Variants in LOC112694756 observed in about 807,000 individuals in gnomAD.
the LOC112694756 span, among the ~76,000 whole-genome samples, chr16:30,058,329 A>G: frequency 1.3e-5 from 2 of 152,120 alleles, no homozygotes; most frequent in East Asian, 3.9e-4. Flanking sequence ...GAAGGTTACA[A>G]ATGTCTTGCC....
chr16:30,064,795 T>G, the LOC112694756 span: 3 of 167,856 alleles, frequency 1.8e-5, no homozygotes, highest in Non-Finnish European at 3.7e-5. Flanking sequence ...GTGGGCCCCT[T>G]GCAGGACCGG....
chr16:30,065,022 T>C, the LOC112694756 span, among the ~76,000 whole-genome samples: 1 of 152,228 alleles, frequency 6.6e-6, no homozygotes, highest in African/African-American at 2.4e-5. Flanking sequence ...GGCCGGTGCA[T>C]AGCCGCGCAT....
the LOC112694756 span, among the ~76,000 whole-genome samples, chr16:30,056,744 G>A: frequency 2.0e-5 from 3 of 151,828 alleles, no homozygotes; most frequent in Non-Finnish European, 2.9e-5. Context: ...GAGACTATAG[G>A]TGCATGCCAC....
At chr16:30,061,193 C>G in the LOC112694756 span, among the ~76,000 whole-genome samples, 1 of 152,256 alleles carries the variant, frequency 6.6e-6, no homozygotes, top group African/African-American at 2.4e-5. Context: ...CTGGATAGAC[C>G]AGTTCTCCCT....
At chr16:30,055,412 T>C in the LOC112694756 span, 8 of 398,786 alleles carry the variant, frequency 2.0e-5, no homozygotes, top group African/African-American at 1.4e-4. Context: ...ACAACATTTA[T>C]TACTGAGCAC....
At chr16:30,070,178 G>C in the LOC112694756 span, 3 of 1,614,130 alleles carry the variant, frequency 1.9e-6, no homozygotes, top group Non-Finnish European at 2.5e-6. Flanking sequence ...GCTGCTGCCA[G>C]CGAGTCCCTC....
the LOC112694756 span, chr16:30,068,518 A>T: frequency 1.9e-6 from 2 of 1,058,836 alleles, no homozygotes; most frequent in South Asian, 1.3e-5. Flanking sequence ...CGGGAGGATC[A>T]CTTGAGTCCA....
the LOC112694756 span, chr16:30,066,320 C>T: frequency 6.6e-6 from 1 of 152,486 alleles, no homozygotes; most frequent in African/African-American, 2.4e-5. Flanking sequence ...AACGGGGCGC[C>T]CTTCGCGAGG....
At chr16:30,057,855 C>T in the LOC112694756 span, among the ~76,000 whole-genome samples, 1 of 151,740 alleles carries the variant, frequency 6.6e-6, no homozygotes, top group African/African-American at 2.4e-5. Context: ...AGCTTGAACC[C>T]AGTAGGCAGA....
chr16:30,065,203 C>T, the LOC112694756 span, among the ~76,000 whole-genome samples: 1 of 152,206 alleles, frequency 6.6e-6, no homozygotes, highest in Admixed American at 6.5e-5. Flanking sequence ...CGTGTCCTCT[C>T]GATGCCCTTT....
the LOC112694756 span, among the ~76,000 whole-genome samples, chr16:30,057,660 G>C: frequency 6.6e-6 from 1 of 152,222 alleles, no homozygotes; most frequent in Admixed American, 6.5e-5. Flanking sequence ...AAATTGTGGG[G>C]CAAGGAGCGC....
chr16:30,068,979 G>A, the LOC112694756 span: 1 of 1,614,222 alleles, frequency 6.2e-7, no homozygotes, highest in Non-Finnish European at 8.5e-7. Context: ...CTGCCAGCAG[G>A]TGGGCCTGCA....
the LOC112694756 span, chr16:30,070,154 G>T: frequency 1.9e-6 from 3 of 1,614,134 alleles, no homozygotes; most frequent in Non-Finnish European, 2.5e-6. Flanking sequence ...TACACTCCGA[G>T]CGGTCAGGCT....
At chr16:30,062,310 T>C in the LOC112694756 span, among the ~76,000 whole-genome samples, 2 of 150,020 alleles carry the variant, frequency 1.3e-5, no homozygotes, top group African/African-American at 4.9e-5. Flanking sequence ...AAGGTGGGTT[T>C]AGCCCAGGAG....
the LOC112694756 span, chr16:30,066,743 T>C: frequency 2.2e-6 from 2 of 902,636 alleles, no homozygotes; most frequent in South Asian, 3.6e-5. Flanking sequence ...GGTTCTAATC[T>C]CAGATCTGGC....
chr16:30,055,388 C>T, the LOC112694756 span: 1 of 398,472 alleles, frequency 2.5e-6, no homozygotes, highest in Non-Finnish European at 4.4e-6. Flanking sequence ...TCGGTGCATT[C>T]ATTTTTTTGC....
At chr16:30,068,761 G>A in the LOC112694756 span, 4 of 1,614,178 alleles carry the variant, frequency 2.5e-6, no homozygotes, top group South Asian at 4.4e-5. Flanking sequence ...GGTGCTGGGA[G>A]GAGTGGAAAC....
the LOC112694756 span, chr16:30,068,631 C>A: frequency 6.2e-7 from 1 of 1,614,066 alleles, no homozygotes. Flanking sequence ...AATGTTGTTA[C>A]CCTGACCCCA....
chr16:30,067,683 G>A, the LOC112694756 span: 49 of 1,613,588 alleles, frequency 3.0e-5, no homozygotes, highest in Admixed American at 2.2e-4. Flanking sequence ...GCCTCCGGAC[G>A]TGAGGTTTGA....
Sources: gnomAD v4.1 joint callset for allele counts (sites outside exome capture counted in the v4.1 genomes callset) on GRCh38, gnomAD v4.1.1 for gene constraint, MANE v1.5 for transcripts.